The following CTR9 variants were observed in gnomAD, a reference collection of about 807,000 sequenced individuals.
The protein encoded by CTR9 is CTR9 component of Paf1/RNA polymerase II complex, also known as RNA polymerase-associated protein CTR9 homolog.
A neutral mutation model predicts 152.1 loss-of-function variants in CTR9; 41 were observed. That is an observed-to-expected ratio of 0.27 (90% CI 0.21 to 0.35). The LOEUF (loss-of-function observed/expected upper bound fraction) is 0.35. CTR9 is among the 10% of genes least tolerant of loss of function. The pLI, the probability that CTR9 is intolerant of heterozygous loss-of-function variation, is 1.00. For missense variants in CTR9, 917 were observed against 1,424.4 expected, an observed-to-expected ratio of 0.64 and a Z score of 5.73; for synonymous variants, 476 against 496.2, an observed-to-expected ratio of 0.96 and a Z score of 0.54.
Position 10,751,341 on chromosome 11 carries a change from G to C in CTR9, c.-72G>C. On this transcript the variant is annotated 5_prime_UTR_variant, in exon 1 of 25. Transcript: ENST00000361367. ...GAGCCGGAGCCGTCACTCACCTCTG[G>C]ATTAGCCTGAAGCGGAGACTACCGG... The C allele has an allele frequency of 6.5e-7, 1 of 1,536,674 alleles. No homozygotes were observed. Among genetic ancestry groups the C allele is most frequent in the Non-Finnish European group, 9.0e-7 (1 of 1,112,872 alleles).
At chr11:10,762,204 G>C (rs1862989293) in intron 7 of CTR9, 150 bp downstream of exon 7, 2 of 596,504 alleles carry the variant, frequency 3.4e-6, no homozygotes, top group Non-Finnish European at 5.8e-6. Context: ...GTTACCTGGG[G>C]GTACCTACAT....
chr11:10,775,724 CTTTTCT>C, intron 24 of CTR9, 91 bp downstream of exon 24: 1 of 692,412 alleles, frequency 1.4e-6, no homozygotes. Context: ...GAAAAATATA[CTTTTCT>C]TTCTTTTTCT....
Position 10,779,257 on chromosome 11 carries a change from G to A in CTR9, c.*152G>A. ...GTTTGTATATTACTAAGCCCCAAGA[G>A]ACATTTCCTGTGCTAGAGTCCAATA... On this transcript the variant is annotated 3_prime_UTR_variant, in exon 25 of 25. Coordinates refer to ENST00000361367, the MANE Select transcript of CTR9 (RefSeq NM_014633.5). 1.4e-6 allele frequency: 1 copy of A among 703,524 alleles called. No homozygotes were observed. Among genetic ancestry groups the A allele is most frequent in the Non-Finnish European group, 2.3e-6 (1 of 435,814 alleles). The allele number at this position is 703,524 out of a possible 1,614,324, so 43.6% of individuals were successfully genotyped here. A position where few individuals can be genotyped will look rare whatever the true frequency, so the allele number is the denominator to read the frequency against.
chr11:10,774,019 A>C lies in CTR9; in HGVS notation c.2735A>C (p.Lys912Thr). The C allele has an allele frequency of 6.2e-7, 1 of 1,609,738 alleles. No homozygotes were observed. Among genetic ancestry groups the C allele is most frequent in the Non-Finnish European group, 8.5e-7 (1 of 1,178,142 alleles). Residue 912 changes from lysine (K) to threonine (T), a missense_variant, in exon 22 of 25, where the codon AAG becomes ACG. Physicochemically the swap from Lys to Thr is moderately conservative, Grantham distance 78. Transcript: ENST00000361367. The stretch of plus-strand genomic sequence containing the variant: ...GTGTTGTTTGGATTTTAGCGTTCTA[A>C]GAAGGGAGGAGAGTTTGATGAATTT... ...KRGGGGGRRS[K>T]KGGEFDEFVN...
At chr11:10,755,271 A>T in intron 3 of CTR9, 74 bp downstream of exon 3, 1 of 1,495,318 alleles carries the variant, frequency 6.7e-7, no homozygotes, top group South Asian at 1.3e-5. Context: ...GTGTGATAGC[A>T]GATTTTTTGA....
At chr11:10,755,934 T>C in intron 4 of CTR9, 139 bp downstream of exon 4, 1 of 550,292 alleles carries the variant, frequency 1.8e-6, no homozygotes, top group Admixed American at 3.3e-5. Context: ...TGAAATTACC[T>C]ACAACAAATA....
rs934457661 is a variant in CTR9 at position 10,753,643 on chromosome 11, CAT to C, written c.144+874_144+875del. Among the ~76,000 whole-genome samples, 168 of 150,240 alleles carry C rather than the reference CAT, an allele frequency of 1.1e-3. 1 individual carries two copies. Among genetic ancestry groups the C allele is most frequent in the Non-Finnish European group, 2.1e-3 (140 of 67,644 alleles). On this transcript the variant is annotated intron_variant, in intron 2 of 24. Transcript: ENST00000361367. ...GGAGACCAAGCCTCCTTGTCACACA[CAT>C]TTTTTTTAAAACCAGATGGTAATTT...
At position 10,767,021 on chromosome 11, in the gene CTR9, T is replaced by C. The variant is rs1267559567; in HGVS notation, c.1686+531T>C. 6.5e-6 allele frequency: 1 copy of C among 152,688 alleles called. No individual in the cohort carries two copies. 9.5% of individuals were successfully genotyped at this position (152,688 alleles called of 1,614,324 possible). A position where few individuals can be genotyped will look rare whatever the true frequency, so the allele number is the denominator to read the frequency against. ...TTGCTTTTGCCAATGGGCGATACACTGATATTTTTACTTTATTCCATTCTG... is the reference window on the plus strand; with the variant it reads ...TTGCTTTTGCCAATGGGCGATACACCGATATTTTTACTTTATTCCATTCTG... On this transcript the variant is annotated intron_variant, in intron 13 of 24. Transcript: ENST00000361367. The surrounding 1 kb of genome is among the most constrained non-coding windows in gnomAD (Gnocchi z 4.0).
chr11:10,755,202 A>C lies in CTR9; in HGVS notation c.384+5A>C, dbSNP rs762532804. ...AAAATTATTATGTATGATCAGGTAA[A>C]AATAAAGTCAAATTTCTTTCCATTT... is the stretch of plus-strand genomic sequence containing the variant. On this transcript the variant is annotated splice_donor_5th_base_variant and intron_variant, in intron 3 of 24. Coordinates refer to ENST00000361367, the MANE Select transcript of CTR9 (RefSeq NM_014633.5). The C allele has an allele frequency of 6.3e-7, 1 of 1,592,584 alleles. No individual in the cohort carries two copies. Among genetic ancestry groups the C allele is most frequent in the Non-Finnish European group, 8.5e-7 (1 of 1,169,732 alleles).
chr11:10,767,758 T>A lies in CTR9; in HGVS notation c.1687-48T>A. On this transcript the variant is annotated intron_variant, in intron 13 of 24. Coordinates refer to ENST00000361367, the MANE Select transcript of CTR9 (RefSeq NM_014633.5). The surrounding 1 kb of genome is among the most constrained non-coding windows in gnomAD (Gnocchi z 4.0). ...CTATTGTGGGAAGATGATTGATCTC[T>A]GTCAAACTAAACTGCAGATTTTCCT... 6.5e-7 allele frequency: 1 copy of A among 1,534,864 alleles called. No individual in the cohort carries two copies. Among genetic ancestry groups the A allele is most frequent in the Non-Finnish European group, 9.0e-7 (1 of 1,110,512 alleles).
chr11:10,772,431 A>AT, intron 19 of CTR9, 89 bp from the exon 20 acceptor site: 1 of 1,160,530 alleles, frequency 8.6e-7, no homozygotes, highest in Non-Finnish European at 1.1e-6. Context: ...CCTGCTTCAG[A>AT]TTTTTTAATT....
At chr11:10,765,885 A>G (rs1015716816) in intron 12 of CTR9, among the ~76,000 whole-genome samples, 18 of 152,150 alleles carry the variant, frequency 1.2e-4, no homozygotes, top group Admixed American at 7.8e-4. Context: ...GTAGTGAACC[A>G]TTATTGGTTT....
chr11:10,752,302 A>G (rs978435325), intron 1 of CTR9, among the ~76,000 whole-genome samples: 3 of 152,158 alleles, frequency 2.0e-5, no homozygotes, highest in Non-Finnish European at 4.4e-5. Flanking sequence ...TTGTAGGGTC[A>G]TGCATCTCAA....
intron 4 of CTR9, among the ~76,000 whole-genome samples, chr11:10,756,095 G>A (rs899236109): frequency 9.9e-5 from 15 of 152,128 alleles, no homozygotes; most frequent in African/African-American, 2.7e-4. Context: ...ATCACTTGAG[G>A]CCAGGAGTTC....
At chr11:10,772,438 A>G (rs1353999555) in intron 19 of CTR9, 82 bp from the exon 20 acceptor site, 5 of 1,196,634 alleles carry the variant, frequency 4.2e-6, no homozygotes, top group Non-Finnish European at 5.5e-6. Flanking sequence ...CAGATTTTTT[A>G]ATTTGTATAA....
At chr11:10,751,561 A>G in intron 1 of CTR9, 104 bp downstream of exon 1, 1 of 1,120,226 alleles carries the variant, frequency 8.9e-7, no homozygotes, top group Non-Finnish European at 1.3e-6. Flanking sequence ...CTCCTTCCCT[A>G]AGAGCCCTGA....
intron 24 of CTR9, 83 bp downstream of exon 24, chr11:10,775,716 A>C: frequency 1.2e-6 from 1 of 848,788 alleles, no homozygotes; most frequent in Non-Finnish European, 1.8e-6. Flanking sequence ...TGTACTAAGA[A>C]AAATATACTT....
Position 10,767,793 on chromosome 11 carries a change from A to G in CTR9, c.1687-13A>G. 1 of 1,613,206 alleles carries G rather than the reference A, an allele frequency of 6.2e-7. No homozygotes were observed. Among genetic ancestry groups the G allele is most frequent in the African/African-American group, 1.3e-5 (1 of 74,980 alleles). On this transcript the variant is annotated splice_polypyrimidine_tract_variant and intron_variant, in intron 13 of 24. Transcript: ENST00000361367. This position sits in a 1 kb window ranked among gnomAD's most constrained non-coding sequence, Gnocchi z 4.0. ...AACTGCAGATTTTCCTTCTTCATGT[A>G]TGTATGTTTCAGGATCATCCAGATG...
Position 10,772,561 on chromosome 11 carries a change from C to T in CTR9, c.2486C>T (p.Ala829Val). Residue 829 changes from alanine to valine, a missense_variant, in exon 20 of 25, where the codon GCC becomes GTC. Transcript: ENST00000361367. ...DLLSQAQYHV[A>V]RARKQDEEER... ...CTGAGCCAGGCCCAGTACCATGTGG[C>T]CCGGGCACGCAAACAAGATGAAGAA... 1.9e-6 allele frequency: 3 copies of T among 1,610,494 alleles called. No homozygotes were observed. The highest frequency in any genetic ancestry group is 1.7e-6 in the Non-Finnish European group (2 of 1,178,250).
Sources: gnomAD v4.1 joint callset for allele counts (sites outside exome capture counted in the v4.1 genomes callset) on GRCh38, gnomAD v4.1.1 for gene constraint, Gnocchi (gnomAD v3.1) non-coding constraint, MANE v1.5 for transcripts, NCBI Gene and HGNC (gene_info 2026-07-23, HGNC 2026-07-21) for gene names.